The following POLQ variants were observed in gnomAD, a reference collection of about 807,000 sequenced individuals.
The protein encoded by POLQ is DNA polymerase theta, also known as epididymis secretory sperm binding protein.
A neutral mutation model predicts 259.2 loss-of-function variants in POLQ; 233 were observed. The observed-to-expected ratio is 0.90, with a 90% confidence interval of 0.81 to 1.00. The LOEUF (loss-of-function observed/expected upper bound fraction) is 1.00, where lower values mean the gene tolerates loss of function less well. POLQ is among the 50% of genes least tolerant of loss of function. The probability of loss-of-function intolerance (pLI) is 0.00; values close to 1 mark genes in which losing one functional copy is unlikely to be tolerated. For missense variants in POLQ, 2,871 were observed against 3,051.6 expected, an observed-to-expected ratio of 0.94 and a Z score of 1.39; for synonymous variants, 1,025 against 1,048.8, an observed-to-expected ratio of 0.98 and a Z score of 0.44.
At chr3:121,439,826 A>G (rs555669430) in intron 27 of POLQ, among the ~76,000 whole-genome samples, 166 bp downstream of exon 27, 1 of 152,390 alleles carries the variant, frequency 6.6e-6, no homozygotes, top group Non-Finnish European at 1.5e-5. Flanking sequence ...GGCATGTGCC[A>G]TCACTTCAGA....
chr3:121,525,719 C>G (rs1481477466), intron 7 of POLQ, among the ~76,000 whole-genome samples: 1 of 152,178 alleles, frequency 6.6e-6, no homozygotes, highest in Non-Finnish European at 1.5e-5. Flanking sequence ...GCCAAATTGT[C>G]TAATGTCAAC....
In POLQ at chr3:121,435,989, A is replaced by T. The variant is rs183124593; in HGVS notation, c.7543+133T>A. 15 of 570,944 alleles carry T rather than the reference A, an allele frequency of 2.6e-5. No individual in the cohort carries two copies. The East Asian group carries it at 4.1e-4, about 16-fold the overall frequency. The allele number at this position is 570,944 out of a possible 1,614,324, so 35.4% of individuals were successfully genotyped here. On this transcript the variant is annotated intron_variant, in intron 28 of 29. Transcript: ENST00000264233. The stretch of plus-strand genomic sequence containing the variant: ...CTCTTTGAAATCCTTAATAATTTCT[A>T]ATAGTATAAAGACATCATGAGACCA...
chr3:121,519,471 C>T (rs2048322711), intron 9 of POLQ, among the ~76,000 whole-genome samples: 1 of 148,260 alleles, frequency 6.7e-6, no homozygotes, highest in Non-Finnish European at 1.5e-5. Flanking sequence ...GCCAGGAGAT[C>T]GAGACCATCC....
intron 12 of POLQ, among the ~76,000 whole-genome samples, chr3:121,499,266 TC>T (rs1313753406): frequency 9.0e-6 from 1 of 111,056 alleles, no homozygotes; most frequent in East Asian, 3.7e-4. Flanking sequence ...AGAACCCAAG[TC>T]TTTTTTTTTT....
chr3:121,482,654 C>T (rs904539767), intron 18 of POLQ, among the ~76,000 whole-genome samples: 1 of 151,850 alleles, frequency 6.6e-6, no homozygotes, highest in Non-Finnish European at 1.5e-5. Flanking sequence ...CATTTGATTG[C>T]TATTTCCAAC....
Position 121,505,846 on chromosome 3 carries a change from T to TA in POLQ, c.1959+3714dup, listed in dbSNP as rs35298276. Among the ~76,000 whole-genome samples the TA allele has an allele frequency of 4.0e-3, 499 of 126,234 alleles. 4 individuals are homozygous for TA. Among genetic ancestry groups the TA allele is most frequent in the Middle Eastern group, 7.9e-3 (2 of 252 alleles). 82.8% of individuals were successfully genotyped at this position (126,234 alleles called of 152,430 possible). On this transcript the variant is annotated intron_variant, in intron 12 of 29. Transcript: ENST00000264233. The stretch of plus-strand genomic sequence containing the variant: ...CAATATGGAGAAACCCCATCTCTAC[T>TA]AAAAAAAAAAAAAAAAAAATACAAA...
chr3:121,452,493 GTTTTT>G lies in POLQ; in HGVS notation c.7153-3072_7153-3068del, dbSNP rs56099335. 2.2e-5 allele frequency among the ~76,000 whole-genome samples: 3 copies of G among 138,858 alleles called. No homozygotes were observed. In the South Asian group the frequency reaches 6.9e-4, roughly 32 times the overall value. 91.1% of individuals were successfully genotyped at this position (138,858 alleles called of 152,430 possible). On this transcript the variant is annotated intron_variant, in intron 25 of 29. Transcript: ENST00000264233. Reference sequence around the variant, plus strand: ...TCACCTTTTTTTTGTTGTTACTCCTGTTTTTTTTTTTTTTAACTCATGTTGCTTAG... The same window carrying G: ...TCACCTTTTTTTTGTTGTTACTCCTGTTTTTTTTTAACTCATGTTGCTTAG...
intron 9 of POLQ, among the ~76,000 whole-genome samples, chr3:121,513,751 C>A (rs1397751326): frequency 6.6e-6 from 1 of 151,942 alleles, no homozygotes; most frequent in African/African-American, 2.4e-5. Flanking sequence ...CTGCCAGGCC[C>A]AGTGGCTTAT....
intron 7 of POLQ, among the ~76,000 whole-genome samples, chr3:121,528,608 G>C (rs1050496250): frequency 3.2e-4 from 49 of 152,128 alleles, no homozygotes; most frequent in Non-Finnish European, 2.8e-4. Context: ...CTCCCAAAGT[G>C]CTGGGATTAC....
chr3:121,489,818 C>T lies in POLQ; in HGVS notation c.3113G>A (p.Ser1038Asn), dbSNP rs757173123. The T allele has an allele frequency of 1.9e-6, 3 of 1,612,654 alleles. No homozygotes were observed. In the Admixed American group the frequency reaches 5.0e-5, roughly 27 times the overall value. The change falls in exon 16 of 30, where the codon AGT (serine) becomes AAT (asparagine). Residue 1038 changes from serine (S) to asparagine (N), a missense_variant. This residue lies in a region of POLQ where 2,080 missense variants were observed against 2,126.0 expected (regional missense o/e 0.98). Coordinates refer to ENST00000264233, the MANE Select transcript of POLQ (RefSeq NM_199420.4). ...CTTTCTACGTTTCCAAGATCGAAAA[C>T]TTCTGCTCATCTTTTCTGAATTGAA... is the stretch of plus-strand genomic sequence containing the variant. ...LNFNSEKMSR[S>N]FRSWKRRKHL...
At chr3:121,475,210 G>A (rs138259303) in intron 20 of POLQ, among the ~76,000 whole-genome samples, 290 of 151,874 alleles carry the variant, frequency 1.9e-3, no homozygotes, top group African/African-American at 6.5e-3. Context: ...CCATTTCCCC[G>A]CTCCCTACTC....
chr3:121,462,057 C>T (rs2047796629), intron 24 of POLQ, among the ~76,000 whole-genome samples: 2 of 152,148 alleles, frequency 1.3e-5, no homozygotes, highest in South Asian at 2.1e-4. Flanking sequence ...TCAAACGTCA[C>T]GCTCACTGGG....
chr3:121,459,331 T>C (rs1255558966), intron 25 of POLQ, among the ~76,000 whole-genome samples: 3 of 150,506 alleles, frequency 2.0e-5, no homozygotes, highest in African/African-American at 7.3e-5. Context: ...AAAATGAAAA[T>C]ATGGAACTTT....
In POLQ at chr3:121,488,236, C is replaced by A. The variant is rs3218639; in HGVS notation, c.4695G>T (p.Gln1565His). The A allele has an allele frequency of 8.8e-4, 1,425 of 1,613,522 alleles. 8 individuals carry two copies. In the African/African-American group the frequency reaches 0.016, roughly 18 times the overall value. The change falls in exon 16 of 30, where the codon CAG becomes CAT. Residue 1565 changes from glutamine (Q) to histidine (H), a missense_variant. By Grantham distance (24) the Gln-to-His change is conservative. This residue lies in a region of POLQ where 2,080 missense variants were observed against 2,126.0 expected (regional missense o/e 0.98). Coordinates refer to ENST00000264233, the MANE Select transcript of POLQ (RefSeq NM_199420.4). ...CCACATTGTCCAAAGCTTCAACCAT[C>A]TGAACAGAATCCATTTCTGAAAATA... Reference protein sequence around the residue: ...SIIFSEMDSVQMVEALDNVDI... With the variant: ...SIIFSEMDSVHMVEALDNVDI...
At position 121,490,238 on chromosome 3, in the gene POLQ, CATTGCACTCCCATTT is replaced by C; in HGVS notation, c.2678_2692del (p.Glu893_Trp898delinsGly). ...AGAATGTAACAGGGCACATGGATTC[CATTGCACTCCCATTT>C]CAACTAAGTCCTGCTGCAGAATCAT... On this transcript the variant is annotated inframe_deletion, in exon 16 of 30. Transcript: ENST00000264233. 1 of 1,614,178 alleles carries C rather than the reference CATTGCACTCCCATTT, an allele frequency of 6.2e-7. No individual in the cohort carries two copies. The highest frequency in any genetic ancestry group is 1.1e-5 in the South Asian group (1 of 91,080).
chr3:121,544,779 T>C lies in POLQ; in HGVS notation c.291A>G (p.Ala97=), dbSNP rs1285973096. 12 of 1,613,572 alleles carry C rather than the reference T, an allele frequency of 7.4e-6. No individual in the cohort carries two copies. The highest frequency in any genetic ancestry group is 1.7e-5 in the Admixed American group (1 of 59,998). Residue 97 remains alanine, a synonymous_variant, in exon 2 of 30, where the codon GCA becomes GCG. Coordinates refer to ENST00000264233, the MANE Select transcript of POLQ (RefSeq NM_199420.4). Reference sequence around the variant, plus strand: ...GGACTTGTCCAAGCAAAAGGCACTCTGCCTGCCATTCAAACATCTTTTTTA... The same window carrying C: ...GGACTTGTCCAAGCAAAAGGCACTCCGCCTGCCATTCAAACATCTTTTTTA... ...FGVKKMFEWQ[A]ECLLLGQVLE... is the part of the protein sequence containing the mutation.
At chr3:121,510,899 C>T (rs567280371) in intron 10 of POLQ, among the ~76,000 whole-genome samples, 1 of 152,072 alleles carries the variant, frequency 6.6e-6, no homozygotes, top group Non-Finnish European at 1.5e-5. Context: ...TCCTGGCCAA[C>T]ACAGTGAAAC....
At chr3:121,483,925 G>T (rs2047990142) in intron 17 of POLQ, among the ~76,000 whole-genome samples, 1 of 152,020 alleles carries the variant, frequency 6.6e-6, no homozygotes, top group Admixed American at 6.6e-5. Context: ...TTTAAAGAGA[G>T]ATTTAGTATG....
chr3:121,545,784 G>T lies in POLQ; in HGVS notation c.94C>A (p.Gln32Lys), dbSNP rs996357445. The change falls in exon 1 of 30, where the codon CAG (glutamine) becomes AAG (lysine). Residue 32 changes from glutamine (Q) to lysine (K), a missense_variant. By Grantham distance (53) the Gln-to-Lys change is moderately conservative. Transcript: ENST00000264233. ...CTCAGCACGGACCCGGAGAGGAACT[G>T]GGGGCTGGCACTGCTGTCACCGCCG... ...GSGGDSSASPQFLSGSVLSPP... is the reference protein window; with the variant it reads ...GSGGDSSASPKFLSGSVLSPP... 3.1e-6 allele frequency: 5 copies of T among 1,610,320 alleles called. No individual in the cohort carries two copies. The highest frequency in any genetic ancestry group is 3.4e-6 in the Non-Finnish European group (4 of 1,178,634).
Sources: gnomAD v4.1 joint callset for allele counts (sites outside exome capture counted in the v4.1 genomes callset) on GRCh38, gnomAD v4.1.1 for gene constraint, gnomAD v4.1.1 regional missense constraint, MANE v1.5 for transcripts, NCBI Gene and HGNC (gene_info 2026-07-23, HGNC 2026-07-21) for gene names.